PLD5: variants seen among roughly 807,000 people sequenced by gnomAD.
PLD5 encodes phospholipase D family member 5.
A neutral mutation model predicts 61.1 loss-of-function variants in PLD5; 36 were observed. The ratio of observed to expected loss-of-function variants is 0.59; its 90% CI spans 0.45 to 0.78. PLD5 has a LOEUF of 0.78. Among genes scored for constraint, PLD5 ranks in the 30% least tolerant of loss-of-function variants. The pLI is 0.00. For missense variants in PLD5, 515 were observed against 644.4 expected (o/e 0.80, Z 2.17); for synonymous variants, 243 against 242.8 (o/e 1.00, Z -0.01).
At chr1:242,481,580 G>T (rs1229958838) in intron 1 of PLD5, among the ~76,000 whole-genome samples, 2 of 152,246 alleles carry the variant, frequency 1.3e-5, no homozygotes, top group African/African-American at 2.4e-5. Flanking sequence ...ACTGGGTGGA[G>T]CCCACCACAG....
chr1:242,227,546 T>A (rs751148107), intron 4 of PLD5, among the ~76,000 whole-genome samples: 3 of 152,112 alleles, frequency 2.0e-5, no homozygotes, highest in Non-Finnish European at 2.9e-5. Flanking sequence ...TATATTTTAG[T>A]AGAGATGGGG....
At chr1:242,228,533 C>G (rs963178706) in intron 4 of PLD5, among the ~76,000 whole-genome samples, 1 of 152,090 alleles carries the variant, frequency 6.6e-6, no homozygotes, top group Non-Finnish European at 1.5e-5. Flanking sequence ...AATTGAGCCA[C>G]AAAGTAAGTT....
rs781586991 is a variant in PLD5 at position 242,100,695 on chromosome 1, T to C, written c.1327A>G (p.Met443Val). 1.5e-5 allele frequency: 25 copies of C among 1,614,044 alleles called. 1 individual carries two copies. Among genetic ancestry groups the C allele is most frequent in the South Asian group, 2.2e-5 (2 of 91,084 alleles). ...ATATAAGCTGCTCCATCTGTCACCA[T>C]GTACTTGTTGCGATTTAACCTAGGA... ...TFPRLNRNKYMVTDGAAYIGN... is the reference protein window; with the variant it reads ...TFPRLNRNKYVVTDGAAYIGN... Residue 443 changes from methionine (M) to valine (V), a missense_variant, in exon 9 of 10, where the codon ATG (methionine) becomes GTG (valine). Physicochemically the swap from Met to Val is conservative, Grantham distance 21. Coordinates refer to ENST00000536534, the MANE Select transcript of PLD5 (RefSeq NM_001372062.1).
chr1:242,096,485 G>T (rs964423751), intron 9 of PLD5, among the ~76,000 whole-genome samples: 5 of 152,100 alleles, frequency 3.3e-5, no homozygotes, highest in African/African-American at 9.6e-5. Context: ...GGGATTACAG[G>T]CATATGCCAC....
rs1659643418 is a variant in PLD5, at chr1:242,089,469, CTCTAAATCAACAGT to C, written c.*371_*384del. The C allele has an allele frequency of 2.3e-6, 1 of 433,652 alleles. No individual in the cohort carries two copies. Among genetic ancestry groups the C allele is most frequent in the Admixed American group, 3.9e-5 (1 of 25,888 alleles). The allele number at this position is 433,652 out of a possible 1,614,324, so 26.9% of individuals were successfully genotyped here. ...TCCAAGGCAAAATCCTCACCTTCCT[CTCTAAATCAACAGT>C]TCTCAGAATGGTGTTAAAGAGCCCA... On this transcript the variant is annotated 3_prime_UTR_variant, in exon 10 of 10. Transcript: ENST00000536534.
At chr1:242,239,888 G>A (rs1393886402) in intron 4 of PLD5, among the ~76,000 whole-genome samples, 1 of 152,188 alleles carries the variant, frequency 6.6e-6, no homozygotes, top group African/African-American at 2.4e-5. Flanking sequence ...TCAGAGTTGG[G>A]GAATTGAAAA....
intron 1 of PLD5, among the ~76,000 whole-genome samples, chr1:242,376,726 C>T (rs1661980214): frequency 6.6e-6 from 1 of 152,074 alleles, no homozygotes; most frequent in Admixed American, 6.6e-5. Flanking sequence ...TATACAAACT[C>T]TTTTAAACGC....
At chr1:242,469,876 C>T (rs1458939135) in intron 1 of PLD5, among the ~76,000 whole-genome samples, 2 of 152,132 alleles carry the variant, frequency 1.3e-5, no homozygotes, top group East Asian at 1.9e-4. Flanking sequence ...GGACTCATAA[C>T]GTCACAGTTG....
At chr1:242,193,728 T>A (rs1668428118) in intron 5 of PLD5, among the ~76,000 whole-genome samples, 1 of 152,228 alleles carries the variant, frequency 6.6e-6, no homozygotes, top group Non-Finnish European at 1.5e-5. Context: ...TTAGCACATG[T>A]CCTTGGGCTG....
rs112547846 is a variant in PLD5, at chr1:242,380,487, T to G, written c.190-32245A>C. Among the ~76,000 whole-genome samples the G allele has an allele frequency of 8.3e-3, 1,261 of 152,282 alleles. 14 individuals carry two copies. The highest frequency in any genetic ancestry group is 0.029 in the African/African-American group (1,197 of 41,562). On this transcript the variant is annotated intron_variant, in intron 1 of 9. Coordinates refer to ENST00000536534, the MANE Select transcript of PLD5 (RefSeq NM_001372062.1). ...AGATGGAAGTACTAAGAATGCTCAA[T>G]GTTATTTGGGGTGTTGCTTCTCCCA...
intron 1 of PLD5, among the ~76,000 whole-genome samples, chr1:242,453,618 A>G (rs10158285): frequency 0.31 from 47,022 of 151,948 alleles, 7,617 homozygotes; most frequent in Admixed American, 0.35. Context: ...TGCCATTCCA[A>G]AAAGGTAGTC....
chr1:242,504,896 C>T (rs1015845025), intron 1 of PLD5, among the ~76,000 whole-genome samples: 1 of 152,152 alleles, frequency 6.6e-6, no homozygotes, highest in African/African-American at 2.4e-5. Flanking sequence ...TGGCTCACAC[C>T]TGCAATTCCA....
At chr1:242,384,647 G>A (rs540114536) in intron 1 of PLD5, among the ~76,000 whole-genome samples, 2 of 152,110 alleles carry the variant, frequency 1.3e-5, no homozygotes, top group South Asian at 2.1e-4. Context: ...AACAATCTAC[G>A]CAAACTGTAG....
intron 2 of PLD5, among the ~76,000 whole-genome samples, chr1:242,297,621 CTTTTTTTTTTTTTTTT>C (rs56851216): frequency 4.7e-5 from 5 of 107,216 alleles, no homozygotes; most frequent in Admixed American, 1.0e-4. Context: ...ATTCATGTTT[CTTTTTTTTTTTTTTTT>C]TTTTTTTTTT....
At chr1:242,371,116 G>A (rs1375859178) in intron 1 of PLD5, among the ~76,000 whole-genome samples, 2 of 152,112 alleles carry the variant, frequency 1.3e-5, no homozygotes, top group African/African-American at 2.4e-5. Context: ...GACAAAGTTA[G>A]GATTGACTTC....
chr1:242,480,945 G>T (rs150501249), intron 1 of PLD5, among the ~76,000 whole-genome samples: 1 of 151,798 alleles, frequency 6.6e-6, no homozygotes, highest in Non-Finnish European at 1.5e-5. Context: ...AGTCTGGTAG[G>T]GTTTTTTTAA....
At chr1:242,484,640 G>A (rs368376717) in intron 1 of PLD5, among the ~76,000 whole-genome samples, 2 of 152,154 alleles carry the variant, frequency 1.3e-5, no homozygotes, top group Admixed American at 6.6e-5. Flanking sequence ...ACAAGGAGGA[G>A]CTGGTACCAT....
chr1:242,282,321 C>CA (rs1160340968), intron 3 of PLD5, among the ~76,000 whole-genome samples: 1 of 152,024 alleles, frequency 6.6e-6, no homozygotes, highest in Non-Finnish European at 1.5e-5. Context: ...ATAAGTAGGT[C>CA]AAAAAACAAA....
At chr1:242,149,257 T>C (rs766811236) in intron 5 of PLD5, among the ~76,000 whole-genome samples, 2 of 151,960 alleles carry the variant, frequency 1.3e-5, no homozygotes. Context: ...GTGATAATTT[T>C]ACGGGTTTGC....
Sources: gnomAD v4.1 joint callset for allele counts (sites outside exome capture counted in the v4.1 genomes callset) on GRCh38, gnomAD v4.1.1 for gene constraint, MANE v1.5 for transcripts, NCBI Gene and HGNC (gene_info 2026-07-23, HGNC 2026-07-21) for gene names.